The following MICAL2 variants were observed in gnomAD, a reference collection of about 807,000 sequenced individuals.
The protein encoded by MICAL2 is microtubule associated monooxygenase, calponin and LIM domain containing 2.
MICAL2 carries 77 observed loss-of-function variants against 127.3 expected under a neutral mutation model. That is an observed-to-expected ratio of 0.60 (90% CI 0.50 to 0.73). The LOEUF is 0.73. MICAL2 is among the 30% of genes least tolerant of loss of function. The probability of loss-of-function intolerance (pLI) is 0.00; values close to 1 mark genes in which losing one functional copy is unlikely to be tolerated. For missense variants in MICAL2, 1,351 were observed against 1,434.4 expected, an observed-to-expected ratio of 0.94 and a Z score of 0.94; for synonymous variants, 570 against 551.1, an observed-to-expected ratio of 1.03 and a Z score of -0.48.
intron 26 of MICAL2, 153 bp from the exon 27 acceptor site, chr11:12,262,327 G>A: frequency 1.3e-6 from 2 of 1,495,826 alleles, no homozygotes; most frequent in South Asian, 2.7e-5. Flanking sequence ...TAAGCAAACA[G>A]CGACTCTTTC....
At chr11:12,237,144 G>C (rs2134430491) in intron 16 of MICAL2, among the ~76,000 whole-genome samples, 1 of 152,322 alleles carries the variant, frequency 6.6e-6, no homozygotes, top group African/African-American at 2.4e-5. Context: ...TCACCTTGGG[G>C]AAAGCAGCAG....
chr11:12,221,059 G>C (rs1019348218), intron 9 of MICAL2, among the ~76,000 whole-genome samples: 1 of 152,218 alleles, frequency 6.6e-6, no homozygotes, highest in African/African-American at 2.4e-5. Context: ...GAGCAGATTA[G>C]TCAGCACTCA....
At chr11:12,235,006 A>G (rs558258149) in intron 15 of MICAL2, among the ~76,000 whole-genome samples, 1 of 152,302 alleles carries the variant, frequency 6.6e-6, no homozygotes, top group African/African-American at 2.4e-5. Context: ...CTGAGAGGGT[A>G]GATGGCTCCC....
chr11:12,254,650 G>A (rs1862059702), intron 22 of MICAL2: 1 of 152,314 alleles, frequency 6.6e-6, no homozygotes, highest in Non-Finnish European at 1.5e-5. Flanking sequence ...CCCAGGGCTG[G>A]GGGGCAGGAG....
At chr11:12,299,336 G>T (rs1447178789) in intron 29 of MICAL2, among the ~76,000 whole-genome samples, 1 of 151,942 alleles carries the variant, frequency 6.6e-6, no homozygotes, top group Non-Finnish European at 1.5e-5. Flanking sequence ...TGACACTGTT[G>T]CCTCCGCATT....
At chr11:12,357,133 G>A (rs936478417) in intron 34 of MICAL2, among the ~76,000 whole-genome samples, 2 of 152,132 alleles carry the variant, frequency 1.3e-5, no homozygotes, top group Non-Finnish European at 2.9e-5. Context: ...CCTGCTTCCT[G>A]GCCCAGACCT....
chr11:12,214,042 G>A (rs567495208), intron 7 of MICAL2, among the ~76,000 whole-genome samples: 2 of 152,270 alleles, frequency 1.3e-5, no homozygotes, highest in African/African-American at 4.8e-5. Context: ...GCTTGAGAAT[G>A]AGCAGTGAGC....
At chr11:12,244,518 C>A (rs886958670) in intron 21 of MICAL2, among the ~76,000 whole-genome samples, 6 of 152,096 alleles carry the variant, frequency 3.9e-5, no homozygotes, top group African/African-American at 1.4e-4. Flanking sequence ...CTGTTTTGTC[C>A]TAATAAGATG....
intron 30 of MICAL2, among the ~76,000 whole-genome samples, chr11:12,320,969 T>C (rs865880603): frequency 3.3e-5 from 5 of 151,398 alleles, no homozygotes; most frequent in African/African-American, 1.2e-4. Flanking sequence ...GTGGTTTTCT[T>C]ACTGCCCCTC....
chr11:12,245,964 T>A (rs957044516), intron 21 of MICAL2, among the ~76,000 whole-genome samples: 2 of 152,118 alleles, frequency 1.3e-5, no homozygotes, highest in African/African-American at 4.8e-5. Context: ...ACACCTTGCT[T>A]CTCTCTGGCC....
intron 32 of MICAL2, among the ~76,000 whole-genome samples, chr11:12,339,921 C>T (rs1015246041): frequency 5.9e-5 from 9 of 152,158 alleles, no homozygotes; most frequent in Admixed American, 1.3e-4. Flanking sequence ...GCAGTCTGCC[C>T]GTTCTCAGTT....
intron 3 of MICAL2, among the ~76,000 whole-genome samples, chr11:12,189,566 C>T (rs563983377): frequency 5.9e-5 from 9 of 152,294 alleles, no homozygotes; most frequent in African/African-American, 9.6e-5. Flanking sequence ...GTTTAAATTA[C>T]ATATTCCCTA....
chr11:12,113,609 T>G (rs555544616), intron 1 of MICAL2, among the ~76,000 whole-genome samples: 2 of 152,354 alleles, frequency 1.3e-5, no homozygotes, highest in South Asian at 4.1e-4. Flanking sequence ...CTGAAAATAT[T>G]ATAGTATTTT....
intron 1 of MICAL2, among the ~76,000 whole-genome samples, chr11:12,279,004 A>G (rs1328154929): frequency 2.0e-5 from 3 of 152,170 alleles, no homozygotes; most frequent in Non-Finnish European, 4.4e-5. Flanking sequence ...CAGGGCTCTG[A>G]TGGGTTGTTT....
chr11:12,282,046 GA>G (rs1439140181), intron 2 of MICAL2, among the ~76,000 whole-genome samples: 10 of 152,172 alleles, frequency 6.6e-5, no homozygotes, highest in Admixed American at 6.5e-4. Flanking sequence ...GTCATGAGCA[GA>G]ATTGCCACCT....
intron 15 of MICAL2, among the ~76,000 whole-genome samples, chr11:12,231,414 T>C (rs183653238): frequency 1.6e-3 from 250 of 152,314 alleles, no homozygotes; most frequent in Non-Finnish European, 3.1e-3. Flanking sequence ...TTTTTGTCAG[T>C]GTGTGGTCTG....
At chr11:12,307,201 T>G (rs567874091) in intron 29 of MICAL2, among the ~76,000 whole-genome samples, 1 of 152,328 alleles carries the variant, frequency 6.6e-6, no homozygotes, top group African/African-American at 2.4e-5. Context: ...ACTAATGATG[T>G]TGAGCTTCTT....
intron 3 of MICAL2, among the ~76,000 whole-genome samples, chr11:12,169,959 G>C (rs1856027155): frequency 1.3e-5 from 2 of 152,188 alleles, no homozygotes; most frequent in Non-Finnish European, 2.9e-5. Flanking sequence ...TGCTGAGTGG[G>C]CATTGATAGA....
intron 15 of MICAL2, 63 bp from the exon 16 acceptor site, chr11:12,236,114 T>C: frequency 7.0e-7 from 1 of 1,420,250 alleles, no homozygotes; most frequent in East Asian, 2.3e-5. Flanking sequence ...CCCTCAGGGA[T>C]CTTAGTGGGA....
Sources: gnomAD v4.1 joint callset for allele counts (sites outside exome capture counted in the v4.1 genomes callset) on GRCh38, gnomAD v4.1.1 for gene constraint, MANE v1.5 for transcripts, NCBI Gene and HGNC (gene_info 2026-07-23, HGNC 2026-07-21) for gene names.